SOX5: variants seen among roughly 807,000 people sequenced by gnomAD.
SOX5 encodes the protein transcription factor SOX-5.
SOX5 carries 9 observed loss-of-function variants against 92.0 expected under a neutral mutation model. That is an observed-to-expected ratio of 0.10 (90% confidence interval 0.06 to 0.17). The LOEUF is 0.17. Among genes scored for constraint, SOX5 ranks in the 10% least tolerant of loss-of-function variants. SOX5 has a pLI of 1.00. For missense variants in SOX5, 642 were observed against 944.5 expected (o/e 0.68, Z 4.20); for synonymous variants, 344 against 336.3 (o/e 1.02, Z -0.25).
chr12:23,733,248 T>C (rs528582513), intron 6 of SOX5, among the ~76,000 whole-genome samples: 5 of 152,306 alleles, frequency 3.3e-5, no homozygotes, highest in African/African-American at 1.2e-4. Flanking sequence ...GACTACCACA[T>C]TGCTGATTAT....
intron 4 of SOX5, among the ~76,000 whole-genome samples, chr12:24,155,859 A>G (rs1006510163): frequency 1.3e-5 from 2 of 152,302 alleles, no homozygotes; most frequent in East Asian, 3.9e-4. Flanking sequence ...GCTCTAGAGC[A>G]TCAGGTCCTT....
chr12:24,124,916 A>G (rs572834639), intron 4 of SOX5, among the ~76,000 whole-genome samples: 1 of 152,340 alleles, frequency 6.6e-6, no homozygotes, highest in East Asian at 1.9e-4. Context: ...TTTCCTCCAG[A>G]TTCCATTCTA....
intron 4 of SOX5, among the ~76,000 whole-genome samples, chr12:24,176,990 T>G (rs915091771): frequency 1.3e-5 from 2 of 151,778 alleles, no homozygotes; most frequent in Non-Finnish European, 2.9e-5. Context: ...TTTTTTTTTT[T>G]TTTTTGTCAT....
chr12:24,169,409 A>G (rs1335114861), intron 4 of SOX5, among the ~76,000 whole-genome samples: 1 of 152,254 alleles, frequency 6.6e-6, no homozygotes, highest in Non-Finnish European at 1.5e-5. Flanking sequence ...TATGTCTTCA[A>G]AAATTCAAGC....
intron 10 of SOX5, among the ~76,000 whole-genome samples, chr12:23,573,834 GC>G (rs1174309106): frequency 6.6e-6 from 1 of 152,052 alleles, no homozygotes; most frequent in Non-Finnish European, 1.5e-5. Context: ...GCTACAAGCA[GC>G]CCTAGGGACA....
chr12:23,958,241 A>G (rs980622612), intron 4 of SOX5, among the ~76,000 whole-genome samples: 2 of 152,080 alleles, frequency 1.3e-5, no homozygotes, highest in African/African-American at 4.8e-5. Flanking sequence ...TCAACTTAAT[A>G]AGCATTGTTC....
chr12:24,064,213 T>C (rs1279362793), intron 4 of SOX5, among the ~76,000 whole-genome samples: 1 of 152,220 alleles, frequency 6.6e-6, no homozygotes, highest in Non-Finnish European at 1.5e-5. Context: ...TCTCCAACAC[T>C]GGTGCTCTTC....
Position 24,520,815 on chromosome 12 carries a change from G to A in SOX5, c.-251+41514C>T, listed in dbSNP as rs745939617. ...ATGGGAAAAGGAATTTCGTGCAAAT[G>A]GCAACCGAAAGAAAGCAGAGGTGGC... On this transcript the variant is annotated intron_variant, in intron 1 of 4. Coordinates refer to the SOX5 transcript ENST00000446891. Among the ~76,000 whole-genome samples, 58 of 152,108 alleles carry A rather than the reference G, an allele frequency of 3.8e-4. 1 individual carries two copies. Among genetic ancestry groups the A allele is most frequent in the Non-Finnish European group, 2.5e-4 (17 of 68,016 alleles).
At chr12:24,397,950 C>T (rs186741495) in intron 1 of SOX5, among the ~76,000 whole-genome samples, 2,426 of 152,090 alleles carry the variant, frequency 0.016, 52 homozygotes, top group African/African-American at 0.054. Context: ...CCCGGGTTCA[C>T]GCCATTCTCC....
chr12:24,121,361 C>G (rs547809892), intron 4 of SOX5, among the ~76,000 whole-genome samples: 1 of 152,118 alleles, frequency 6.6e-6, no homozygotes, highest in African/African-American at 2.4e-5. Flanking sequence ...CATGTCTGAA[C>G]AGAATCTAGT....
intron 6 of SOX5, among the ~76,000 whole-genome samples, chr12:23,683,930 A>G (rs982487681): frequency 3.9e-5 from 6 of 152,012 alleles, no homozygotes; most frequent in African/African-American, 7.2e-5. Flanking sequence ...AAGTTAACAA[A>G]GGAAGTTAGA....
chr12:23,711,631 A>G (rs1219970653), intron 6 of SOX5, among the ~76,000 whole-genome samples: 1 of 152,214 alleles, frequency 6.6e-6, no homozygotes, highest in Non-Finnish European at 1.5e-5. Flanking sequence ...AGCTTATAAA[A>G]CACATGATGA....
At chr12:24,177,977 C>A (rs1262738336) in intron 4 of SOX5, among the ~76,000 whole-genome samples, 1 of 152,200 alleles carries the variant, frequency 6.6e-6, no homozygotes, top group African/African-American at 2.4e-5. Context: ...CAAGGATGAA[C>A]ATAGCACTTT....
chr12:24,306,599 G>C (rs1595412803), intron 2 of SOX5, among the ~76,000 whole-genome samples: 1 of 152,166 alleles, frequency 6.6e-6, no homozygotes, highest in African/African-American at 2.4e-5. Context: ...CATCCAGCAA[G>C]GAGAAAGACA....
intron 4 of SOX5, among the ~76,000 whole-genome samples, chr12:23,989,142 G>A (rs965272480): frequency 1.3e-5 from 2 of 149,892 alleles, no homozygotes; most frequent in Admixed American, 6.8e-5. Flanking sequence ...GGGAGGCCAA[G>A]GCAGGTAGAT....
At chr12:23,838,016 AAT>A (rs1491412923) in intron 3 of SOX5, among the ~76,000 whole-genome samples, 33 of 108,158 alleles carry the variant, frequency 3.1e-4, no homozygotes, top group African/African-American at 1.2e-3. Context: ...ATATTTATAT[AAT>A]ATATATACAT....
At chr12:24,240,945 G>A (rs1481277208) in intron 3 of SOX5, among the ~76,000 whole-genome samples, 1 of 152,160 alleles carries the variant, frequency 6.6e-6, no homozygotes, top group African/African-American at 2.4e-5. Context: ...TATTCACAGA[G>A]AACAGGTTCC....
intron 3 of SOX5, among the ~76,000 whole-genome samples, chr12:24,258,325 T>A (rs1314726271): frequency 6.6e-6 from 1 of 151,724 alleles, no homozygotes; most frequent in African/African-American, 2.4e-5. Flanking sequence ...TTACATGGTT[T>A]ACCTTTGAGC....
intron 7 of SOX5, among the ~76,000 whole-genome samples, chr12:23,662,600 GA>G (rs2083208808): frequency 6.6e-6 from 1 of 152,070 alleles, no homozygotes; most frequent in South Asian, 2.1e-4. Flanking sequence ...ATTTCTTAAA[GA>G]AAAAACGATC....
Sources: allele counts gnomAD v4.1 joint callset (sites outside exome capture counted in the v4.1 genomes callset), GRCh38; gene constraint gnomAD v4.1.1; transcripts MANE v1.5; gene names NCBI Gene and HGNC (gene_info 2026-07-23, HGNC 2026-07-21).